MSRA: variants seen among roughly 807,000 people sequenced by gnomAD.
MSRA encodes the protein mitochondrial peptide methionine sulfoxide reductase.
In MSRA, 54 loss-of-function variants were observed where a neutral mutation model predicts 31.3. The ratio of observed to expected loss-of-function variants is 1.73; its 90% CI spans 1.39 to 2.17. The LOEUF (loss-of-function observed/expected upper bound fraction) is 2.17, where lower values mean the gene tolerates loss of function less well. Ranked by LOEUF, MSRA falls within the 30% of genes most tolerant of loss-of-function variation. The pLI is 0.00. For synonymous variants in MSRA, 169 were observed against 116.5 expected (o/e 1.45, Z -2.90); for missense variants, 507 against 300.9 (o/e 1.69, Z -5.07).
At chr8:10,265,362 T>C (rs1011517920) in intron 3 of MSRA, among the ~76,000 whole-genome samples, 1 of 152,154 alleles carries the variant, frequency 6.6e-6, no homozygotes, top group Admixed American at 6.5e-5. Context: ...CAGGGGCTTC[T>C]GGGCAGCATT....
chr8:10,224,889 C>T (rs919724602), intron 2 of MSRA, among the ~76,000 whole-genome samples: 2 of 152,186 alleles, frequency 1.3e-5, no homozygotes, highest in African/African-American at 4.8e-5. Context: ...AGTGGGCTCA[C>T]ACCTGTAATG....
intron 1 of MSRA, among the ~76,000 whole-genome samples, chr8:10,199,512 G>A (rs529557297): frequency 1.3e-5 from 2 of 152,004 alleles, no homozygotes; most frequent in South Asian, 2.1e-4. Context: ...TAGAGATGGC[G>A]TTTCACCATG....
At chr8:10,330,210 C>CAG (rs959110768) in intron 5 of MSRA, among the ~76,000 whole-genome samples, 1 of 151,206 alleles carries the variant, frequency 6.6e-6, no homozygotes, top group African/African-American at 2.4e-5. Context: ...GTGATATACA[C>CAG]ACACACACAC....
intron 1 of MSRA, among the ~76,000 whole-genome samples, chr8:10,169,007 G>C (rs1729526447): frequency 6.6e-6 from 1 of 152,184 alleles, no homozygotes; most frequent in Admixed American, 6.5e-5. Context: ...AACCTCATGA[G>C]GGGAATGTTA....
At chr8:10,418,063 G>A (rs1052994908) in intron 5 of MSRA, among the ~76,000 whole-genome samples, 58 of 152,034 alleles carry the variant, frequency 3.8e-4, no homozygotes, top group African/African-American at 1.4e-3. Context: ...ATGGGCTCAG[G>A]GTCATAAATT....
At chr8:10,157,244 G>A (rs997486047) in intron 1 of MSRA, among the ~76,000 whole-genome samples, 7 of 152,122 alleles carry the variant, frequency 4.6e-5, no homozygotes, top group African/African-American at 1.7e-4. Context: ...ACACTCCCTT[G>A]ATGTATGGTA....
At chr8:10,424,893 C>A (rs988037500) in intron 5 of MSRA, among the ~76,000 whole-genome samples, 1 of 152,186 alleles carries the variant, frequency 6.6e-6, no homozygotes, top group Non-Finnish European at 1.5e-5. Flanking sequence ...CCGCACACAG[C>A]GGGGCCCACC....
At chr8:10,308,503 C>G (rs1801261535) in intron 4 of MSRA, among the ~76,000 whole-genome samples, 1 of 152,198 alleles carries the variant, frequency 6.6e-6, no homozygotes, top group South Asian at 2.1e-4. Context: ...CCATAATGCC[C>G]TGTTAAAAAC....
chr8:10,406,011 G>A (rs1807793160), intron 5 of MSRA, among the ~76,000 whole-genome samples: 1 of 152,272 alleles, frequency 6.6e-6, no homozygotes, highest in Non-Finnish European at 1.5e-5. Context: ...TGTCCTCCAG[G>A]GTAGGGCTGC....
At chr8:10,371,348 A>T (rs879361529) in intron 5 of MSRA, among the ~76,000 whole-genome samples, 6 of 151,870 alleles carry the variant, frequency 4.0e-5, no homozygotes, top group African/African-American at 2.4e-5. Flanking sequence ...ACATGGGGAG[A>T]GTGTCCTCAG....
intron 1 of MSRA, among the ~76,000 whole-genome samples, chr8:10,175,333 T>C (rs1439148537): frequency 6.6e-6 from 1 of 152,236 alleles, no homozygotes; most frequent in Non-Finnish European, 1.5e-5. Flanking sequence ...CTTTTTGAAG[T>C]ATATTGGTCT....
intron 5 of MSRA, among the ~76,000 whole-genome samples, chr8:10,392,994 G>A (rs1304052630): frequency 2.7e-5 from 4 of 149,656 alleles, no homozygotes; most frequent in Non-Finnish European, 4.4e-5. Flanking sequence ...CCCGGGAGGC[G>A]GAGCTTGCAG....
intron 5 of MSRA, among the ~76,000 whole-genome samples, chr8:10,339,980 C>T (rs1803319210): frequency 6.6e-6 from 1 of 152,186 alleles, no homozygotes; most frequent in Admixed American, 6.5e-5. Flanking sequence ...TTCATGGATC[C>T]CCAAGGCAGC....
chr8:10,207,949 G>T, intron 2 of MSRA, 48 bp downstream of exon 2: 1 of 1,493,516 alleles, frequency 6.7e-7, no homozygotes, highest in Admixed American at 1.9e-5. Context: ...GCAAAGACTA[G>T]TGCCAAATTT....
At chr8:10,405,360 A>G (rs1171443390) in intron 5 of MSRA, among the ~76,000 whole-genome samples, 1 of 151,952 alleles carries the variant, frequency 6.6e-6, no homozygotes, top group Non-Finnish European at 1.5e-5. Context: ...CCAAACCACC[A>G]CCCAGCCAAG....
rs115610666 is a variant in MSRA at position 10,379,603 on chromosome 8, C to T, written c.544-48545C>T. Among the ~76,000 whole-genome samples the T allele has an allele frequency of 8.1e-4, 124 of 152,306 alleles. 1 individual carries two copies. The highest frequency in any genetic ancestry group is 3.0e-3 in the African/African-American group (123 of 41,572). On this transcript the variant is annotated intron_variant, in intron 5 of 5. Transcript: ENST00000317173. ...CCCTCTTCCCCTCTGGCACCCTGGTCTCCTCCCAGACACTCAGCTTGGCCA... is the reference window on the plus strand; with the variant it reads ...CCCTCTTCCCCTCTGGCACCCTGGTTTCCTCCCAGACACTCAGCTTGGCCA...
intron 1 of MSRA, among the ~76,000 whole-genome samples, chr8:10,191,828 A>G (rs547293550): frequency 6.6e-6 from 1 of 152,150 alleles, no homozygotes; most frequent in South Asian, 2.1e-4. Flanking sequence ...ATTAGAACAC[A>G]TTACTGTATT....
At chr8:10,284,232 G>A (rs552898365) in intron 3 of MSRA, among the ~76,000 whole-genome samples, 1 of 151,898 alleles carries the variant, frequency 6.6e-6, no homozygotes, top group Non-Finnish European at 1.5e-5. Flanking sequence ...TCTTGTTCCC[G>A]GGATGGAGTG....
chr8:10,220,149 C>G (rs1394027953), intron 2 of MSRA, among the ~76,000 whole-genome samples: 1 of 152,138 alleles, frequency 6.6e-6, no homozygotes, highest in African/African-American at 2.4e-5. Flanking sequence ...ATTCTATGTC[C>G]ATAACCACTA....
Sources: allele counts gnomAD v4.1 joint callset (sites outside exome capture counted in the v4.1 genomes callset), GRCh38; gene constraint gnomAD v4.1.1; transcripts MANE v1.5; gene names NCBI Gene and HGNC (gene_info 2026-07-23, HGNC 2026-07-21).